Variants in GRB10 observed in about 807,000 individuals in gnomAD.
GRB10 encodes the protein growth factor receptor-bound protein 10.
GRB10 carries 20 observed loss-of-function variants against 80.9 expected under a neutral mutation model. The ratio of observed to expected loss-of-function variants is 0.25; its 90% confidence interval spans 0.17 to 0.36. GRB10 has a LOEUF of 0.36. GRB10 is among the 10% of genes least tolerant of loss of function. The probability of loss-of-function intolerance (pLI) is 1.00; values close to 1 mark genes in which losing one functional copy is unlikely to be tolerated. For missense variants in GRB10, 548 were observed against 747.7 expected (o/e 0.73, Z 3.12); for synonymous variants, 291 against 291.5 (o/e 1.00, Z 0.02).
At chr7:50,778,528 GA>G (rs2077940293) in intron 2 of GRB10, among the ~76,000 whole-genome samples, 1 of 152,216 alleles carries the variant, frequency 6.6e-6, no homozygotes. Flanking sequence ...AAGTAGAGGT[GA>G]TCCACACAGT....
intron 7 of GRB10, among the ~76,000 whole-genome samples, chr7:50,652,934 G>A (rs1164430091): frequency 2.0e-5 from 3 of 152,156 alleles, no homozygotes; most frequent in Admixed American, 2.0e-4. Context: ...ACAATTCACT[G>A]TGGTCAGAAT....
chr7:50,727,456 G>A (rs1180325593), intron 4 of GRB10, among the ~76,000 whole-genome samples: 3 of 152,182 alleles, frequency 2.0e-5, no homozygotes, highest in South Asian at 2.1e-4. Context: ...AATGGTAAGC[G>A]AACAAACAAA....
At chr7:50,712,663 C>A (rs545217691) in intron 4 of GRB10, among the ~76,000 whole-genome samples, 1 of 152,250 alleles carries the variant, frequency 6.6e-6, no homozygotes, top group Non-Finnish European at 1.5e-5. Context: ...CTTATTTCCA[C>A]ATAACTACCT....
intron 2 of GRB10, among the ~76,000 whole-genome samples, chr7:50,756,595 T>C (rs1289782905): frequency 6.6e-6 from 1 of 152,188 alleles, no homozygotes; most frequent in African/African-American, 2.4e-5. Context: ...GGGGTTCCAA[T>C]TCTGGCTCTG....
At chr7:50,775,239 A>AAAAAAGAG (rs1478525781) in intron 2 of GRB10, among the ~76,000 whole-genome samples, 1 of 151,482 alleles carries the variant, frequency 6.6e-6, no homozygotes, top group Non-Finnish European at 1.5e-5. Flanking sequence ...AATAGGAAAG[A>AAAAAAGAG]AAAAAGAGGT....
intron 2 of GRB10, among the ~76,000 whole-genome samples, chr7:50,764,230 G>A (rs750734605): frequency 1.3e-5 from 2 of 152,182 alleles, no homozygotes; most frequent in African/African-American, 4.8e-5. Flanking sequence ...GGATCAGGCC[G>A]CCTGACCCAC....
chr7:50,730,792 G>T (rs930725500), intron 4 of GRB10, among the ~76,000 whole-genome samples: 7 of 152,204 alleles, frequency 4.6e-5, no homozygotes, highest in Non-Finnish European at 1.0e-4. Flanking sequence ...AGGAAGGGAA[G>T]GGAAGCTGAC....
At chr7:50,659,630 G>A (rs934784933) in intron 7 of GRB10, among the ~76,000 whole-genome samples, 2 of 152,284 alleles carry the variant, frequency 1.3e-5, no homozygotes, top group African/African-American at 4.8e-5. Flanking sequence ...TCTCTTCTCC[G>A]GGTAGCCCAA....
At chr7:50,613,523 C>A (rs2715130) in intron 12 of GRB10, among the ~76,000 whole-genome samples, 8,741 of 152,216 alleles carry the variant, frequency 0.057, 601 homozygotes, top group African/African-American at 0.17. Flanking sequence ...TCCAGAAGAA[C>A]CCCCGACCTC....
At chr7:50,595,578 A>G (rs1283791888) in intron 17 of GRB10, 48 bp from the exon 18 acceptor site, 1 of 832,052 alleles carries the variant, frequency 1.2e-6, no homozygotes, top group Non-Finnish European at 2.0e-6. Flanking sequence ...AAAATCTGGA[A>G]CTAATCACAC....
chr7:50,612,373 T>A (rs1396079068), intron 13 of GRB10, among the ~76,000 whole-genome samples: 1 of 152,174 alleles, frequency 6.6e-6, no homozygotes, highest in Non-Finnish European at 1.5e-5. Flanking sequence ...TTAGAGACAT[T>A]TTTGGTTGTC....
At chr7:50,599,030 C>T (rs990919230) in intron 17 of GRB10, among the ~76,000 whole-genome samples, 3 of 152,152 alleles carry the variant, frequency 2.0e-5, no homozygotes, top group African/African-American at 7.2e-5. Flanking sequence ...GAGAGGACTA[C>T]AGACCTAGAT....
chr7:50,682,512 A>T (rs568323024), intron 5 of GRB10, among the ~76,000 whole-genome samples: 1 of 152,360 alleles, frequency 6.6e-6, no homozygotes, highest in East Asian at 1.9e-4. Context: ...TGTCGGCTCA[A>T]CATCACCCGA....
In GRB10 at chr7:50,591,703, C is replaced by A. The variant is rs2045865826; in HGVS notation, c.*1249G>T. 1 of 152,246 alleles carries A rather than the reference C, an allele frequency of 6.6e-6. No homozygotes were observed. 9.4% of individuals were successfully genotyped at this position (152,246 alleles called of 1,614,324 possible). On this transcript the variant is annotated 3_prime_UTR_variant, in exon 19 of 19. Coordinates refer to ENST00000401949, the MANE Select transcript of GRB10 (RefSeq NM_001350814.2). The stretch of plus-strand genomic sequence containing the variant: ...TGACAAAACTCTTCCATGTCCACAA[C>A]CACTGTGAGGTACTTCTGACCCTAA...
chr7:50,633,153 A>G (rs1459787705), intron 7 of GRB10, among the ~76,000 whole-genome samples: 1 of 152,188 alleles, frequency 6.6e-6, no homozygotes, highest in Non-Finnish European at 1.5e-5. Context: ...GACAGTATAC[A>G]GCGGTGGGGG....
intron 3 of GRB10, among the ~76,000 whole-genome samples, chr7:50,733,052 A>T (rs2070156527): frequency 1.3e-5 from 2 of 152,240 alleles, no homozygotes; most frequent in Admixed American, 6.5e-5. Context: ...CTAGTACCTC[A>T]GAATGTGACT....
intron 5 of GRB10, among the ~76,000 whole-genome samples, chr7:50,687,047 G>A (rs979318949): frequency 2.0e-5 from 3 of 152,186 alleles, no homozygotes; most frequent in African/African-American, 7.2e-5. Flanking sequence ...CACGTTAGTT[G>A]AGTAGGTGGG....
upstream of GRB10, among the ~76,000 whole-genome samples, chr7:50,787,182 A>T (rs950404259): frequency 6.6e-6 from 1 of 152,174 alleles, no homozygotes; most frequent in African/African-American, 2.4e-5. Flanking sequence ...GAGTGAGTGT[A>T]GGGTGGGGAT....
At chr7:50,648,819 G>A (rs114170961) in intron 7 of GRB10, among the ~76,000 whole-genome samples, 151 of 152,242 alleles carry the variant, frequency 9.9e-4, no homozygotes, top group African/African-American at 3.5e-3. Flanking sequence ...GCTTTTGAGA[G>A]CAATCTTCTC....
Sources: allele counts gnomAD v4.1 joint callset (sites outside exome capture counted in the v4.1 genomes callset), GRCh38; gene constraint gnomAD v4.1.1; transcripts MANE v1.5; gene names NCBI Gene and HGNC (gene_info 2026-07-23, HGNC 2026-07-21).